Variants in FBRSL1 observed in about 807,000 individuals in gnomAD.
FBRSL1 encodes the protein fibrosin-1-like protein.
Under a neutral mutation model 89.6 loss-of-function variants are expected in FBRSL1, and 51 were observed. The observed-to-expected ratio is 0.57, with a 90% CI of 0.45 to 0.72. FBRSL1 has a LOEUF of 0.72. Ranked by LOEUF, FBRSL1 falls within the 30% of genes least tolerant of loss-of-function variation. FBRSL1 has a pLI of 0.00. For synonymous variants in FBRSL1, 779 were observed against 681.1 expected (o/e 1.14, Z -2.24); for missense variants, 1,618 against 1,451.8 (o/e 1.11, Z -1.86).
Position 132,576,817 on chromosome 12 carries a change from C to A in FBRSL1, c.1720C>A (p.His574Asn). The A allele has an allele frequency of 6.4e-7, 1 of 1,550,980 alleles. No homozygotes were observed. Among genetic ancestry groups the A allele is most frequent in the South Asian group, 1.2e-5 (1 of 84,008 alleles). The change falls in exon 15 of 19, where the codon CAC becomes AAC. Residue 574 changes from histidine (H) to asparagine (N), a missense_variant. Physicochemically the swap from His to Asn is moderately conservative, Grantham distance 68 (BLOSUM62 1). Coordinates refer to ENST00000680143, the MANE Select transcript of FBRSL1 (RefSeq NM_001367871.1). ...CTCCCAGGAGATGCAGCTGGACCCCCACAAGCTGGAGGTGGGTGCAAAGCT... is the reference window on the plus strand; with the variant it reads ...CTCCCAGGAGATGCAGCTGGACCCCAACAAGCTGGAGGTGGGTGCAAAGCT... ...QKIKEMQLDPHKLEVGAKLDL... is the reference protein window; with the variant it reads ...QKIKEMQLDPNKLEVGAKLDL...
intron 2 of FBRSL1, among the ~76,000 whole-genome samples, chr12:132,515,438 TG>T (rs2034748947): frequency 6.6e-6 from 1 of 151,274 alleles, no homozygotes; most frequent in African/African-American, 2.4e-5. Context: ...ATTTATGGGA[TG>T]CAGCTAAAGC....
chr12:132,544,811 GGAT>G (rs1361943846), intron 4 of FBRSL1, among the ~76,000 whole-genome samples: 2 of 151,602 alleles, frequency 1.3e-5, no homozygotes, highest in African/African-American at 2.4e-5. Flanking sequence ...GCAATGGCGA[GGAT>G]GATGGTGAAA....
At chr12:132,536,445 TGA>T (rs2036752225) in intron 4 of FBRSL1, among the ~76,000 whole-genome samples, 1 of 151,528 alleles carries the variant, frequency 6.6e-6, no homozygotes, top group Non-Finnish European at 1.5e-5. Context: ...TACATGACTG[TGA>T]GTGCATGTGT....
In FBRSL1 at chr12:132,490,786, C is replaced by G; in HGVS notation, c.216C>G (p.Arg72=). The change falls in exon 1 of 19, where the codon CGC becomes CGG. Residue 72 remains arginine, a synonymous_variant. Coordinates refer to ENST00000680143, the MANE Select transcript of FBRSL1 (RefSeq NM_001367871.1). ...RTARPPRRRR[R]ESSSQEEEVI... The stretch of plus-strand genomic sequence containing the variant: ...CGCGTCCCCCGCGCCGCCGCCGCCG[C>G]GAGTCCAGCTCGCAGGAGGAGGAGG... The G allele has an allele frequency of 8.0e-7, 1 of 1,256,158 alleles. No individual in the cohort carries two copies. The highest frequency in any genetic ancestry group is 1.6e-5 in the African/African-American group (1 of 63,520). The allele number at this position is 1,256,158 out of a possible 1,614,324, so 77.8% of individuals were successfully genotyped here.
chr12:132,491,789 TAG>T (rs1222832691), intron 1 of FBRSL1, among the ~76,000 whole-genome samples: 1 of 152,246 alleles, frequency 6.6e-6, no homozygotes, highest in Admixed American at 6.5e-5. Context: ...CTGGGGACTG[TAG>T]AGAGCCTTGG....
Position 132,508,140 on chromosome 12 carries a change from T to C in FBRSL1, c.292-13T>C. Reference sequence around the variant, plus strand: ...TCCCGCCAATTAACTGGCGTTTCCCTGTCTCCCTGCAGAAGGATATGGCCC... The same window carrying C: ...TCCCGCCAATTAACTGGCGTTTCCCCGTCTCCCTGCAGAAGGATATGGCCC... On this transcript the variant is annotated splice_polypyrimidine_tract_variant and intron_variant, in intron 1 of 18. Transcript: ENST00000680143. 1 of 1,274,422 alleles carries C rather than the reference T, an allele frequency of 7.8e-7. No individual in the cohort carries two copies. The highest frequency in any genetic ancestry group is 1.1e-6 in the Non-Finnish European group (1 of 892,572). 78.9% of individuals were successfully genotyped at this position (1,274,422 alleles called of 1,614,324 possible).
chr12:132,564,559 G>GCT, intron 5 of FBRSL1, among the ~76,000 whole-genome samples: 1 of 105,562 alleles, frequency 9.5e-6, no homozygotes, highest in Non-Finnish European at 1.8e-5. Flanking sequence ...CCAGTGGTAC[G>GCT]ATCTCAGCTC....
chr12:132,535,647 C>G (rs1278303804), intron 4 of FBRSL1, among the ~76,000 whole-genome samples: 1 of 152,264 alleles, frequency 6.6e-6, no homozygotes, highest in Admixed American at 6.5e-5. Context: ...GTGGGTGCCC[C>G]AAGCACACTA....
At chr12:132,509,505 C>A in intron 2 of FBRSL1, 2 of 1,237,378 alleles carry the variant, frequency 1.6e-6, no homozygotes, top group Non-Finnish European at 2.0e-6. Flanking sequence ...CCAGCCCTGC[C>A]GGCCGCATTG....
chr12:132,510,728 C>A lies in FBRSL1; in HGVS notation c.489+2378C>A, dbSNP rs1306010378. The A allele has an allele frequency of 6.6e-6, 8 of 1,209,878 alleles. No homozygotes were observed. The African/African-American group carries it at 1.2e-4, about 19-fold the overall frequency. The allele number at this position is 1,209,878 out of a possible 1,614,324, so 74.9% of individuals were successfully genotyped here. A position where few individuals can be genotyped will look rare whatever the true frequency, so the allele number is the denominator to read the frequency against. On this transcript the variant is annotated intron_variant, in intron 2 of 18. Coordinates refer to ENST00000680143, the MANE Select transcript of FBRSL1 (RefSeq NM_001367871.1). Reference sequence around the variant, plus strand: ...TGCCGCCCCGCCATGCTCCCTCTCCCCCCACTGGCGTCACAGTGCCCCCAC... The same window carrying A: ...TGCCGCCCCGCCATGCTCCCTCTCCACCCACTGGCGTCACAGTGCCCCCAC...
At chr12:132,491,492 T>C (rs2030954990) in intron 1 of FBRSL1, among the ~76,000 whole-genome samples, 1 of 152,240 alleles carries the variant, frequency 6.6e-6, no homozygotes, top group African/African-American at 2.4e-5. Context: ...GGGCAGGCGC[T>C]GTCTCCCCAG....
chr12:132,509,247 C>T, intron 2 of FBRSL1: 5 of 1,254,082 alleles, frequency 4.0e-6, no homozygotes, highest in Non-Finnish European at 5.0e-6. Flanking sequence ...ACAGCTCCAG[C>T]CCAGCCAGTC....
rs77660324 is a variant in FBRSL1 at position 132,576,118 on chromosome 12, T to C, written c.1702-681T>C. ...TTTTAACACATTTAACTTTGAAAAC[T>C]GATACCAAATTCAGTCACTGAGAAA... On this transcript the variant is annotated intron_variant, in intron 14 of 18. Transcript: ENST00000680143. Among the ~76,000 whole-genome samples the C allele has an allele frequency of 8.9e-3, 1,350 of 152,282 alleles. 6 individuals are homozygous for C. Among genetic ancestry groups the C allele is most frequent in the Middle Eastern group, 0.02 (6 of 294 alleles).
rs2040255498 is a variant in FBRSL1 at position 132,574,560 on chromosome 12, T to C, written c.1697T>C (p.Ile566Thr). The change falls in exon 14 of 19, where the codon ATA becomes ACA. Residue 566 changes from isoleucine to threonine, a missense_variant. Transcript: ENST00000680143. The part of the protein sequence containing the change: ...AWQIYRHQQK[I>T]KEMQLDPHKL... ...CAGATCTACCGTCACCAGCAGAAGATAAAGGTGAGACCACCTGGGCTGGGG... is the reference window on the plus strand; with the variant it reads ...CAGATCTACCGTCACCAGCAGAAGACAAAGGTGAGACCACCTGGGCTGGGG... The C allele has an allele frequency of 6.5e-7, 1 of 1,549,326 alleles. No individual in the cohort carries two copies. Among genetic ancestry groups the C allele is most frequent in the Admixed American group, 2.0e-5 (1 of 50,876 alleles).
chr12:132,497,000 G>A (rs996353532), intron 1 of FBRSL1, among the ~76,000 whole-genome samples: 17 of 152,280 alleles, frequency 1.1e-4, no homozygotes, highest in South Asian at 2.1e-4. Flanking sequence ...TGGCCCTGGC[G>A]GGCCGTGTTG....
intron 4 of FBRSL1, among the ~76,000 whole-genome samples, chr12:132,542,345 C>T (rs1053948690): frequency 6.6e-6 from 1 of 152,256 alleles, no homozygotes; most frequent in Non-Finnish European, 1.5e-5. Flanking sequence ...AGCAGCTCGG[C>T]CTCTCACCCG....
intron 11 of FBRSL1, among the ~76,000 whole-genome samples, chr12:132,573,155 C>T (rs1283241367): frequency 1.3e-5 from 2 of 152,194 alleles, no homozygotes; most frequent in South Asian, 2.1e-4. Context: ...TGTGCTGTAA[C>T]CCCACCCTCT....
intron 1 of FBRSL1, among the ~76,000 whole-genome samples, chr12:132,507,779 C>G (rs1211974711): frequency 6.6e-6 from 1 of 152,164 alleles, no homozygotes; most frequent in Non-Finnish European, 1.5e-5. Flanking sequence ...CCTGTGGTCC[C>G]TGGCCCCCAC....
At chr12:132,578,931 T>C (rs1249051978) in intron 15 of FBRSL1, among the ~76,000 whole-genome samples, 1 of 152,240 alleles carries the variant, frequency 6.6e-6, no homozygotes, top group Non-Finnish European at 1.5e-5. Context: ...AAAGCAGAAG[T>C]CCAGGCTGCA....
Sources: gnomAD v4.1 joint callset for allele counts (sites outside exome capture counted in the v4.1 genomes callset) on GRCh38, gnomAD v4.1.1 for gene constraint, MANE v1.5 for transcripts, NCBI Gene and HGNC (gene_info 2026-07-23, HGNC 2026-07-21) for gene names.